The following CEP162 variants were observed in gnomAD, a reference collection of about 807,000 sequenced individuals.
CEP162 encodes the protein centrosomal protein of 162 kDa.
Under a neutral mutation model 169.2 loss-of-function variants are expected in CEP162, and 141 were observed. The observed-to-expected ratio is 0.83, with a 90% CI of 0.73 to 0.96. The LOEUF (loss-of-function observed/expected upper bound fraction) is 0.96, where lower values mean the gene tolerates loss of function less well. CEP162 is among the 40% of genes least tolerant of loss of function. The pLI is 0.00. For synonymous variants in CEP162, 540 were observed against 526.4 expected, an observed-to-expected ratio of 1.03 and a Z score of -0.35; for missense variants, 1,600 against 1,587.2, an observed-to-expected ratio of 1.01 and a Z score of -0.14.
intron 21 of CEP162, among the ~76,000 whole-genome samples, chr6:84,157,954 TA>T (rs1333772309): frequency 6.6e-6 from 1 of 152,174 alleles, no homozygotes; most frequent in Non-Finnish European, 1.5e-5. Flanking sequence ...CAAGGAGGAT[TA>T]GATAACATTT....
chr6:84,148,167 G>A (rs1588728598), intron 24 of CEP162, among the ~76,000 whole-genome samples: 1 of 152,168 alleles, frequency 6.6e-6, no homozygotes, highest in African/African-American at 2.4e-5. Context: ...TGTTACTTAC[G>A]AAAGGCACTT....
At position 84,226,406 on chromosome 6, in the gene CEP162, T is replaced by C. The variant is rs74827039; in HGVS notation, c.-13A>G. The C allele has an allele frequency of 3.4e-3, 5,246 of 1,559,012 alleles. 154 individuals are homozygous for C. In the African/African-American group the frequency reaches 0.06, roughly 18 times the overall value. ...AACAGTTAGCCATAGTCAACAATTT[T>C]GACCTCCCAAAGTAAACATTCTAAA... On this transcript the variant is annotated 5_prime_UTR_variant, in exon 2 of 27. Transcript: ENST00000403245.
In CEP162 at chr6:84,161,742, T is replaced by C; in HGVS notation, c.2676+4A>G. On this transcript the variant is annotated splice_donor_region_variant and intron_variant, in intron 20 of 26. Coordinates refer to ENST00000403245, the MANE Select transcript of CEP162 (RefSeq NM_014895.4). ...GAAGAAATACATTCTGAAATATCTA[T>C]TACCTCAAGTTTGAGCTTCTCAATT... 1 of 1,574,278 alleles carries C rather than the reference T, an allele frequency of 6.4e-7. No homozygotes were observed. The highest frequency in any genetic ancestry group is 2.3e-5 in the East Asian group (1 of 44,112).
At chr6:84,177,127 A>T (rs1210495228) in intron 13 of CEP162, among the ~76,000 whole-genome samples, 1 of 152,176 alleles carries the variant, frequency 6.6e-6, no homozygotes, top group Non-Finnish European at 1.5e-5. Flanking sequence ...TCAAATGCTA[A>T]ATGGCCATGT....
chr6:84,161,113 C>G (rs560905408), intron 20 of CEP162, among the ~76,000 whole-genome samples, 197 bp from the exon 21 acceptor site: 150 of 152,134 alleles, frequency 9.9e-4, no homozygotes, highest in African/African-American at 3.4e-3. Flanking sequence ...GGAGGGCAAA[C>G]AAGACAAACT....
At chr6:84,210,207 G>A (rs770603738) in intron 6 of CEP162, among the ~76,000 whole-genome samples, 8 of 152,110 alleles carry the variant, frequency 5.3e-5, no homozygotes. Flanking sequence ...CTTCAAAAAT[G>A]TTATTTTGAG....
Position 84,152,720 on chromosome 6 carries a change from C to A in CEP162, c.3454G>T (p.Gly1152Ter). ...TGGTACAGCTTGCTGTCCAGGGTTC[C>A]AGGGAAGGAGTTAGCATTTCCTTTA... ...SSKGNANSFP[G>*]TLDSKLYQPH... The change falls in exon 23 of 27, where the codon GGA becomes TGA. Residue 1152 changes from glycine (G) to a stop codon, truncating the protein, a stop_gained. Coordinates refer to ENST00000403245, the MANE Select transcript of CEP162 (RefSeq NM_014895.4). LOFTEE classifies it high-confidence loss of function. 1 of 1,613,152 alleles carries A rather than the reference C, an allele frequency of 6.2e-7. No individual in the cohort carries two copies. The highest frequency in any genetic ancestry group is 8.5e-7 in the Non-Finnish European group (1 of 1,179,610).
At position 84,226,389 on chromosome 6, in the gene CEP162, GC is replaced by G; in HGVS notation, c.4del (p.Ala2LeufsTer8). 1 of 1,567,962 alleles carries G rather than the reference GC, an allele frequency of 6.4e-7. No homozygotes were observed. Among genetic ancestry groups the G allele is most frequent in the Non-Finnish European group, 8.7e-7 (1 of 1,153,496 alleles). The part of the protein sequence containing the change: M[A>X]NCSQEELDEE... ...ATCTAGCTCTTCTTGGGAACAGTTA[GC>G]CATAGTCAACAATTTTGACCTCCCA... is the stretch of plus-strand genomic sequence containing the variant. On this transcript the variant is annotated frameshift_variant, in exon 2 of 27. Transcript: ENST00000403245. LOFTEE classifies it high-confidence loss of function.
intron 25 of CEP162, among the ~76,000 whole-genome samples, chr6:84,133,533 A>T (rs1281634170): frequency 6.6e-6 from 1 of 152,042 alleles, no homozygotes; most frequent in East Asian, 1.9e-4. Context: ...CTTCCTGGCC[A>T]CTTTGTTTAC....
intron 7 of CEP162, among the ~76,000 whole-genome samples, chr6:84,203,664 T>C (rs892496677): frequency 6.6e-6 from 1 of 152,258 alleles, no homozygotes; most frequent in East Asian, 1.9e-4. Context: ...GTTGTCCAGG[T>C]TGTCCTTGAG....
intron 9 of CEP162, among the ~76,000 whole-genome samples, chr6:84,198,927 A>G (rs904784880): frequency 6.6e-6 from 1 of 152,220 alleles, no homozygotes; most frequent in African/African-American, 2.4e-5. Flanking sequence ...ATAATACACA[A>G]ATGTACCATT....
At chr6:84,174,316 A>T (rs1474293794) in intron 15 of CEP162, 128 bp from the exon 16 acceptor site, 4 of 795,750 alleles carry the variant, frequency 5.0e-6, no homozygotes, top group Non-Finnish European at 7.8e-6. Context: ...TTAGAATGTG[A>T]CATAACTAGT....
intron 5 of CEP162, among the ~76,000 whole-genome samples, chr6:84,213,758 A>G (rs949192951): frequency 6.6e-6 from 1 of 152,200 alleles, no homozygotes; most frequent in African/African-American, 2.4e-5. Flanking sequence ...AAATAAGAAA[A>G]AAGTTAAAAA....
At chr6:84,156,531 C>T (rs1474011494) in intron 21 of CEP162, among the ~76,000 whole-genome samples, 1 of 152,200 alleles carries the variant, frequency 6.6e-6, no homozygotes, top group East Asian at 1.9e-4. Flanking sequence ...CATCTTACTC[C>T]AGTCATAAGG....
chr6:84,227,046 G>C (rs2099556020), intron 1 of CEP162, among the ~76,000 whole-genome samples: 1 of 152,192 alleles, frequency 6.6e-6, no homozygotes, highest in South Asian at 2.1e-4. Flanking sequence ...ACACAAATCA[G>C]TACTATGTTT....
At chr6:84,177,267 C>T (rs1009994215) in intron 13 of CEP162, among the ~76,000 whole-genome samples, 3 of 152,196 alleles carry the variant, frequency 2.0e-5, no homozygotes, top group Non-Finnish European at 2.9e-5. Flanking sequence ...TCCTAAGTGA[C>T]AATCACTGTA....
chr6:84,222,772 G>GCACACA (rs112085957), intron 2 of CEP162, among the ~76,000 whole-genome samples: 28 of 150,448 alleles, frequency 1.9e-4, no homozygotes, highest in African/African-American at 6.1e-4. Context: ...ACACGCGCGT[G>GCACACA]CACACACACA....
At chr6:84,177,572 G>C (rs979831488) in intron 13 of CEP162, among the ~76,000 whole-genome samples, 8 of 152,082 alleles carry the variant, frequency 5.3e-5, no homozygotes, top group African/African-American at 1.9e-4. Flanking sequence ...ATCTTGCTTT[G>C]TTGCCTAGGC....
chr6:84,164,888 A>G (rs1439858300), intron 18 of CEP162, among the ~76,000 whole-genome samples: 3 of 152,074 alleles, frequency 2.0e-5, no homozygotes, highest in Non-Finnish European at 4.4e-5. Context: ...AACAAAAAAA[A>G]AGAAAACTCC....
Sources: gnomAD v4.1 joint callset for allele counts (sites outside exome capture counted in the v4.1 genomes callset) on GRCh38, gnomAD v4.1.1 for gene constraint, MANE v1.5 for transcripts, NCBI Gene and HGNC (gene_info 2026-07-23, HGNC 2026-07-21) for gene names.